Variants in GREM1 observed in about 807,000 individuals in gnomAD.
GREM1 encodes the protein gremlin 1, DAN family BMP antagonist, also known as gremlin-1.
In GREM1, 6 loss-of-function variants were observed where a neutral mutation model predicts 13.1. That is an observed-to-expected ratio of 0.46 (90% confidence interval 0.25 to 0.91). The LOEUF (loss-of-function observed/expected upper bound fraction) is 0.91. Ranked by LOEUF, GREM1 falls within the 40% of genes least tolerant of loss-of-function variation. The pLI is 0.18. For synonymous variants in GREM1, 98 were observed against 93.7 expected (o/e 1.05, Z -0.27); for missense variants, 185 against 233.9 (o/e 0.79, Z 1.36).
intron 1 of GREM1, among the ~76,000 whole-genome samples, chr15:32,719,585 T>G (rs1458916303): frequency 6.6e-6 from 1 of 152,180 alleles, no homozygotes; most frequent in East Asian, 1.9e-4. Context: ...CACCGATAGG[T>G]AATTGGATCT....
At chr15:32,718,442 C>G (rs985310471) in intron 1 of GREM1, 2 of 473,206 alleles carry the variant, frequency 4.2e-6, no homozygotes, top group Non-Finnish European at 8.4e-6. Flanking sequence ...CTCCCGGAGG[C>G]CCCCGAACAC....
Position 32,741,843 on chromosome 15 carries a change from A to G in GREM1, c.*10598A>G, listed in dbSNP as rs2055764331. 6.6e-6 allele frequency: 1 copy of G among 152,146 alleles called. No individual in the cohort carries two copies. Among genetic ancestry groups the G allele is most frequent in the African/African-American group, 2.4e-5 (1 of 41,456 alleles). 9.4% of individuals were successfully genotyped at this position (152,146 alleles called of 1,614,324 possible). On this transcript the variant is annotated 3_prime_UTR_variant, in exon 2 of 2. Transcript: ENST00000651154. ...TATATGACCTTTATTAGGTTGAGGTACTTTTCCTCTATTCTTAGTTTATTG... is the reference window on the plus strand; with the variant it reads ...TATATGACCTTTATTAGGTTGAGGTGCTTTTCCTCTATTCTTAGTTTATTG...
intron 1 of GREM1, among the ~76,000 whole-genome samples, chr15:32,727,891 C>T (rs2055542143): frequency 6.6e-6 from 1 of 152,076 alleles, no homozygotes; most frequent in African/African-American, 2.4e-5. Context: ...TTCACAAGTG[C>T]TACAAAGAAT....
At position 32,736,406 on chromosome 15, in the gene GREM1, A is replaced by T. The variant is rs2055697965; in HGVS notation, c.*5161A>T. 6.6e-6 allele frequency: 1 copy of T among 152,190 alleles called. No individual in the cohort carries two copies. Among genetic ancestry groups the T allele is most frequent in the Admixed American group, 6.5e-5 (1 of 15,270 alleles). 9.4% of individuals were successfully genotyped at this position (152,190 alleles called of 1,614,324 possible). A position where few individuals can be genotyped will look rare whatever the true frequency, so the allele number is the denominator to read the frequency against. The stretch of plus-strand genomic sequence containing the variant: ...GGCAATCTAGACTGCCAAATGCATA[A>T]ATAGGACTCCATCCATGCCCAGGAC... On this transcript the variant is annotated 3_prime_UTR_variant, in exon 2 of 2. Coordinates refer to ENST00000651154, the MANE Select transcript of GREM1 (RefSeq NM_013372.7).
chr15:32,721,599 C>A (rs889696803), intron 1 of GREM1, among the ~76,000 whole-genome samples: 1 of 151,962 alleles, frequency 6.6e-6, no homozygotes, highest in Non-Finnish European at 1.5e-5. Flanking sequence ...ACTAAAAATA[C>A]AAAAATTAGC....
Position 32,731,971 on chromosome 15 carries a change from C to T in GREM1, c.*726C>T, listed in dbSNP as rs1049162183. ...AGGGACATTGCAGAAGCTTGAAAGGCCAATACCAGAACACAGGCTGATGCT... is the reference window on the plus strand; with the variant it reads ...AGGGACATTGCAGAAGCTTGAAAGGTCAATACCAGAACACAGGCTGATGCT... On this transcript the variant is annotated 3_prime_UTR_variant, in exon 2 of 2. Coordinates refer to ENST00000651154, the MANE Select transcript of GREM1 (RefSeq NM_013372.7). 2.6e-5 allele frequency: 6 copies of T among 231,416 alleles called. No individual in the cohort carries two copies. The highest frequency in any genetic ancestry group is 5.6e-5 in the Non-Finnish European group (6 of 107,452). 14.3% of individuals were successfully genotyped at this position (231,416 alleles called of 1,614,324 possible).
At chr15:32,718,537 A>T (rs938252361) in intron 1 of GREM1, 1 of 449,770 alleles carries the variant, frequency 2.2e-6, no homozygotes, top group Non-Finnish European at 4.5e-6. Context: ...GCGCAGGAGC[A>T]TCCGGACCTG....
Position 32,738,083 on chromosome 15 carries a change from C to CAAAAAAAAAAAAAAAAAA in GREM1, c.*6871_*6888dup, listed in dbSNP as rs67118209. ...GGAGGTTCTACCTAGGGTAATTAGG[C>CAAAAAAAAAAAAAAAAAA]AAAAAAAAAAAAAAAAAAAAAAAAA... On this transcript the variant is annotated 3_prime_UTR_variant, in exon 2 of 2. Transcript: ENST00000651154. The CAAAAAAAAAAAAAAAAAA allele has an allele frequency of 2.6e-4, 5 of 18,928 alleles. No individual in the cohort carries two copies. Among genetic ancestry groups the CAAAAAAAAAAAAAAAAAA allele is most frequent in the African/African-American group, 9.1e-4 (4 of 4,376 alleles). 1.2% of individuals were successfully genotyped at this position (18,928 alleles called of 1,614,324 possible).
At position 32,732,224 on chromosome 15, in the gene GREM1, C is replaced by G. The variant is rs2055631591; in HGVS notation, c.*979C>G. On this transcript the variant is annotated 3_prime_UTR_variant, in exon 2 of 2. Transcript: ENST00000651154. Reference sequence around the variant, plus strand: ...GAAAAGAGAGGTAGTTTAGAACTCTCTGCATAGGGGTGGGAATTAATCAAA... The same window carrying G: ...GAAAAGAGAGGTAGTTTAGAACTCTGTGCATAGGGGTGGGAATTAATCAAA... 1 of 239,806 alleles carries G rather than the reference C, an allele frequency of 4.2e-6. No individual in the cohort carries two copies. Among genetic ancestry groups the G allele is most frequent in the Admixed American group, 5.7e-5 (1 of 17,544 alleles). The allele number at this position is 239,806 out of a possible 1,614,324, so 14.9% of individuals were successfully genotyped here. A position where few individuals can be genotyped will look rare whatever the true frequency, so the allele number is the denominator to read the frequency against.
At chr15:32,720,799 G>A (rs1335290349) in intron 1 of GREM1, among the ~76,000 whole-genome samples, 1 of 152,230 alleles carries the variant, frequency 6.6e-6, no homozygotes, top group African/African-American at 2.4e-5. Context: ...GTTAAGGACA[G>A]CACTGGGTGT....
Position 32,730,869 on chromosome 15 carries a change from G to A in GREM1, c.179G>A (p.Arg60Gln). Residue 60 changes from arginine (R) to glutamine (Q), a missense_variant, in exon 2 of 2, where the codon CGG (arginine) becomes CAG (glutamine). Arg to Gln is a conservative substitution (Grantham distance 43). Transcript: ENST00000651154. ...PQQPGSRNRG[R>Q]GQGRGTAMPG... ...CAGCCTGGCTCCAGGAACCGGGGGC[G>A]GGGCCAAGGGCGGGGCACTGCCATG... 1 of 1,613,352 alleles carries A rather than the reference G, an allele frequency of 6.2e-7. No individual in the cohort carries two copies. The highest frequency in any genetic ancestry group is 2.2e-5 in the East Asian group (1 of 44,864).
Position 32,738,125 on chromosome 15 carries a change from A to AAAAAAAAAAAAAAAAAAC in GREM1, c.*6888_*6889insAAAAAAAAACAAAAAAAA. The AAAAAAAAAAAAAAAAAAC allele has an allele frequency of 7.1e-5, 2 of 27,986 alleles. No individual in the cohort carries two copies. Among genetic ancestry groups the AAAAAAAAAAAAAAAAAAC allele is most frequent in the Non-Finnish European group, 6.2e-5 (1 of 16,082 alleles). The allele number at this position is 27,986 out of a possible 1,614,324, so 1.7% of individuals were successfully genotyped here. A position where few individuals can be genotyped will look rare whatever the true frequency, so the allele number is the denominator to read the frequency against. On this transcript the variant is annotated 3_prime_UTR_variant, in exon 2 of 2. Transcript: ENST00000651154. ...AAAAAAAAAAAAAAAAAAAAAAAAAAAAAAAAAAGAAAAGAAAAAAGTCAT... is the reference window on the plus strand; with the variant it reads ...AAAAAAAAAAAAAAAAAAAAAAAAAAAAAAAAAAAAAAAAAAACAAAAAAAAGAAAAGAAAAAAGTCAT...
intron 1 of GREM1, among the ~76,000 whole-genome samples, chr15:32,725,146 T>C (rs995070107): frequency 6.6e-6 from 1 of 152,208 alleles, no homozygotes; most frequent in Non-Finnish European, 1.5e-5. Context: ...TTTAGGTCTA[T>C]ACCCAGTAAT....
intron 1 of GREM1, among the ~76,000 whole-genome samples, chr15:32,719,365 C>A (rs779280898): frequency 6.6e-6 from 1 of 152,158 alleles, no homozygotes; most frequent in Non-Finnish European, 1.5e-5. Context: ...CCGGGCCAGG[C>A]GGGGAGGGAC....
rs2178263 is a variant in GREM1 at position 32,725,863 on chromosome 15, G to A, written c.-1-4827G>A. Among the ~76,000 whole-genome samples, 138,873 of 152,206 alleles carry A rather than the reference G, an allele frequency of 0.91. 64,137 individuals carry two copies. Among genetic ancestry groups the A allele is most frequent in the East Asian group, 1 (5,187 of 5,188 alleles). ...TTCAGTTTTCTGCGTATGGCTAGCC[G>A]GTTTTCCCAACGTTATTTATTAAAT... On this transcript the variant is annotated intron_variant, in intron 1 of 1. Coordinates refer to ENST00000651154, the MANE Select transcript of GREM1 (RefSeq NM_013372.7).
At chr15:32,722,745 C>T (rs1305851188) in intron 1 of GREM1, among the ~76,000 whole-genome samples, 2 of 152,064 alleles carry the variant, frequency 1.3e-5, no homozygotes, top group African/African-American at 4.8e-5. Context: ...AGTATGTGTC[C>T]TCTGGGACAA....
At chr15:32,726,728 A>G (rs750322246) in intron 1 of GREM1, among the ~76,000 whole-genome samples, 19 of 140,946 alleles carry the variant, frequency 1.3e-4, no homozygotes, top group Non-Finnish European at 2.6e-4. Flanking sequence ...TTTTTTTTTG[A>G]AAAGATTAAT....
In GREM1 at chr15:32,731,408, G is replaced by A; in HGVS notation, c.*163G>A. 1.6e-6 allele frequency: 1 copy of A among 626,528 alleles called. No individual in the cohort carries two copies. Among genetic ancestry groups the A allele is most frequent in the South Asian group, 2.0e-5 (1 of 49,814 alleles). The allele number at this position is 626,528 out of a possible 1,614,324, so 38.8% of individuals were successfully genotyped here. ...TGCGTAGTTCGTGTGCATGAGTGTG[G>A]ATGGGTGCCTGTGGGTGTTTTTAGA... On this transcript the variant is annotated 3_prime_UTR_variant, in exon 2 of 2. Transcript: ENST00000651154.
chr15:32,731,312 C>T lies in GREM1; in HGVS notation c.*67C>T, dbSNP rs2055613714. On this transcript the variant is annotated 3_prime_UTR_variant, in exon 2 of 2. Coordinates refer to ENST00000651154, the MANE Select transcript of GREM1 (RefSeq NM_013372.7). ...CCAGGAAGTCCCAGACCTAAAACAACCAGATTCTTACTTGGCTTAAACCTA... is the reference window on the plus strand; with the variant it reads ...CCAGGAAGTCCCAGACCTAAAACAATCAGATTCTTACTTGGCTTAAACCTA... 7.7e-7 allele frequency: 1 copy of T among 1,294,280 alleles called. No individual in the cohort carries two copies. Among genetic ancestry groups the T allele is most frequent in the Non-Finnish European group, 1.1e-6 (1 of 916,664 alleles). The allele number at this position is 1,294,280 out of a possible 1,614,324, so 80.2% of individuals were successfully genotyped here.
Sources: allele counts gnomAD v4.1 joint callset (sites outside exome capture counted in the v4.1 genomes callset), GRCh38; gene constraint gnomAD v4.1.1; transcripts MANE v1.5; gene names NCBI Gene and HGNC (gene_info 2026-07-23, HGNC 2026-07-21).